The following ILDR2 variants were observed in gnomAD, a reference collection of about 807,000 sequenced individuals.
The protein encoded by ILDR2 is immunoglobulin like domain containing receptor 2.
In ILDR2, 25 loss-of-function variants were observed where a neutral mutation model predicts 66.8. That is an observed-to-expected ratio of 0.37 (90% CI 0.27 to 0.52). The LOEUF is 0.52. Among genes scored for constraint, ILDR2 ranks in the 20% least tolerant of loss-of-function variants. The pLI is 0.88. For synonymous variants in ILDR2, 367 were observed against 357.2 expected, an observed-to-expected ratio of 1.03 and a Z score of -0.31; for missense variants, 827 against 876.8, an observed-to-expected ratio of 0.94 and a Z score of 0.72.
At chr1:166,951,324 AAC>A (rs1485940677) in intron 3 of ILDR2, among the ~76,000 whole-genome samples, 1 of 152,204 alleles carries the variant, frequency 6.6e-6, no homozygotes, top group African/African-American at 2.4e-5. Context: ...AAATGATGCT[AAC>A]ACAGAGAGTG....
chr1:166,921,401 G>A lies in ILDR2; in HGVS notation c.1212-22C>T, dbSNP rs908984646. The stretch of plus-strand genomic sequence containing the variant: ...CTGGCTGCGGGCAGAGAAGGAGGGG[G>A]TCAGACGGCCGGTCCCTCCCTGGAG... On this transcript the variant is annotated intron_variant, in intron 8 of 9. Coordinates refer to ENST00000271417, the MANE Select transcript of ILDR2 (RefSeq NM_199351.3). This position sits in a 1 kb window ranked among gnomAD's most constrained non-coding sequence, Gnocchi z 5.3. 2 of 1,528,170 alleles carry A rather than the reference G, an allele frequency of 1.3e-6. No individual in the cohort carries two copies. Among genetic ancestry groups the A allele is most frequent in the Admixed American group, 1.8e-5 (1 of 54,162 alleles). The allele number at this position is 1,528,170 out of a possible 1,614,324, so 94.7% of individuals were successfully genotyped here.
At chr1:166,942,235 T>C (rs1661353276) in intron 3 of ILDR2, among the ~76,000 whole-genome samples, 1 of 152,238 alleles carries the variant, frequency 6.6e-6, no homozygotes, top group South Asian at 2.1e-4. Context: ...ATTAATTATG[T>C]GGTCACTCTA....
In ILDR2 at chr1:166,920,892, C is replaced by A. The variant is rs1195863215; in HGVS notation, c.1699G>T (p.Ala567Ser). Residue 567 changes from alanine to serine, a missense_variant, in exon 9 of 10, where the codon GCT (alanine) becomes TCT (serine). Physicochemically the swap from Ala to Ser is moderately conservative, Grantham distance 99. This residue lies in a region of ILDR2 where 390 missense variants were observed against 353.6 expected (regional missense o/e 1.10). Transcript: ENST00000271417. The part of the protein sequence containing the change: ...QLGPRSASYY[A>S]WSPPGTYKAG... Reference sequence around the variant, plus strand: ...TTGTAGGTGCCGGGCGGCGACCAAGCGTAGTAGGAGGCGCTGCGCGGGCCG... The same window carrying A: ...TTGTAGGTGCCGGGCGGCGACCAAGAGTAGTAGGAGGCGCTGCGCGGGCCG... 6.7e-7 allele frequency: 1 copy of A among 1,487,496 alleles called. No individual in the cohort carries two copies. Among genetic ancestry groups the A allele is most frequent in the Non-Finnish European group, 8.9e-7 (1 of 1,123,860 alleles). 92.1% of individuals were successfully genotyped at this position (1,487,496 alleles called of 1,614,324 possible).
intron 3 of ILDR2, among the ~76,000 whole-genome samples, chr1:166,948,054 G>C (rs1300684870): frequency 1.3e-5 from 2 of 152,066 alleles, no homozygotes; most frequent in African/African-American, 4.8e-5. Flanking sequence ...CTCTTTGCTG[G>C]GCCCCTCTGC....
In ILDR2 at chr1:166,921,502, C is replaced by G; in HGVS notation, c.1212-123G>C. The stretch of plus-strand genomic sequence containing the variant: ...GGAGACCTCGGCCTGAGCCTCAGCT[C>G]CGCTCCAGGCTGGATGAAGCATTCC... On this transcript the variant is annotated intron_variant, in intron 8 of 9. Transcript: ENST00000271417. This position sits in a 1 kb window ranked among gnomAD's most constrained non-coding sequence, Gnocchi z 5.3. The G allele has an allele frequency of 3.9e-6, 3 of 778,918 alleles. No homozygotes were observed. Among genetic ancestry groups the G allele is most frequent in the Admixed American group, 3.0e-5 (1 of 33,668 alleles). 48.3% of individuals were successfully genotyped at this position (778,918 alleles called of 1,614,324 possible). A position where few individuals can be genotyped will look rare whatever the true frequency, so the allele number is the denominator to read the frequency against.
Position 166,920,958 on chromosome 1 carries a change from C to A in ILDR2, c.1633G>T (p.Gly545Cys), listed in dbSNP as rs752853848. 2 of 1,482,856 alleles carry A rather than the reference C, an allele frequency of 1.3e-6. No homozygotes were observed. The highest frequency in any genetic ancestry group is 8.9e-7 in the Non-Finnish European group (1 of 1,127,120). The allele number at this position is 1,482,856 out of a possible 1,614,324, so 91.9% of individuals were successfully genotyped here. A position where few individuals can be genotyped will look rare whatever the true frequency, so the allele number is the denominator to read the frequency against. ...TTGGATGGCGTCTCCAGGCTGCCAC[C>A]GCGGCTGGCGCCCTCGGGCCGCGCC... Reference protein sequence around the residue: ...RQARPEGASRGGSLETPSKRS... With the variant: ...RQARPEGASRCGSLETPSKRS... Residue 545 changes from glycine (G) to cysteine (C), a missense_variant, in exon 9 of 10, where the codon GGT (glycine) becomes TGT (cysteine). Physicochemically the swap from Gly to Cys is radical, Grantham distance 159. Around this residue, in one of 2 missense-constraint regions of ILDR2, gnomAD observed 390 missense variants for 353.6 expected, o/e 1.10. Transcript: ENST00000271417.
rs1344100652 is a variant in ILDR2, at chr1:166,915,385, A to G, written c.*3970T>C. ...GTACCCAGAGGTATGACTTAGTGCAATGATTTCCAAATGCATCTGATCACA... is the reference window on the plus strand; with the variant it reads ...GTACCCAGAGGTATGACTTAGTGCAGTGATTTCCAAATGCATCTGATCACA... On this transcript the variant is annotated 3_prime_UTR_variant, in exon 10 of 10. Coordinates refer to ENST00000271417, the MANE Select transcript of ILDR2 (RefSeq NM_199351.3). 2 of 152,232 alleles carry G rather than the reference A, an allele frequency of 1.3e-5. No homozygotes were observed. The highest frequency in any genetic ancestry group is 2.9e-5 in the Non-Finnish European group (2 of 68,054). The allele number at this position is 152,232 out of a possible 1,614,324, so 9.4% of individuals were successfully genotyped here.
In ILDR2 at chr1:166,909,743, A is replaced by G. The variant is rs1659423754; in HGVS notation, c.*9612T>C. 9.2e-6 allele frequency: 1 copy of G among 108,670 alleles called. No homozygotes were observed. The highest frequency in any genetic ancestry group is 3.0e-4 in the South Asian group (1 of 3,382). The allele number at this position is 108,670 out of a possible 1,614,324, so 6.7% of individuals were successfully genotyped here. ...TGTGTGTGTGTATACATACATATATATATATATATATATATAAATATATAT... is the reference window on the plus strand; with the variant it reads ...TGTGTGTGTGTATACATACATATATGTATATATATATATATAAATATATAT... On this transcript the variant is annotated 3_prime_UTR_variant, in exon 10 of 10. Coordinates refer to ENST00000271417, the MANE Select transcript of ILDR2 (RefSeq NM_199351.3).
At chr1:166,932,954 G>A (rs1487953396) in intron 6 of ILDR2, among the ~76,000 whole-genome samples, 3 of 152,174 alleles carry the variant, frequency 2.0e-5, no homozygotes, top group Non-Finnish European at 4.4e-5. Flanking sequence ...TGCTAAAGGA[G>A]GACTAGCCAA....
chr1:166,934,334 G>A (rs1385421227), intron 6 of ILDR2, among the ~76,000 whole-genome samples: 2 of 152,028 alleles, frequency 1.3e-5, no homozygotes, highest in Non-Finnish European at 2.9e-5. Flanking sequence ...AGACAACTTG[G>A]GGTCATCCTG....
rs143548938 is a variant in ILDR2 at position 166,958,070 on chromosome 1, G to A, written c.78C>T (p.Pro26=). ...AMVEGLQVTV[P]DKKKVAMLFQ... ...AGAGCATGGCCACCTTCTTCTTGTC[G>A]GGCACTGTGACCTGAAGGCCTTCGA... The change falls in exon 2 of 10, where the codon CCC becomes CCT. Residue 26 remains proline (P), a synonymous_variant. Coordinates refer to ENST00000271417, the MANE Select transcript of ILDR2 (RefSeq NM_199351.3). 39 of 1,612,288 alleles carry A rather than the reference G, an allele frequency of 2.4e-5. No homozygotes were observed. Among genetic ancestry groups the A allele is most frequent in the East Asian group, 8.9e-5 (4 of 44,810 alleles).
At chr1:166,955,038 A>G (rs1403097747) in intron 3 of ILDR2, among the ~76,000 whole-genome samples, 4 of 152,126 alleles carry the variant, frequency 2.6e-5, no homozygotes, top group African/African-American at 9.7e-5. Context: ...TGTTCCTTCA[A>G]ACTTGGCTAT....
At chr1:166,897,995 G>A (rs187359314) in intron 2 of ILDR2, among the ~76,000 whole-genome samples, 1 of 152,302 alleles carries the variant, frequency 6.6e-6, no homozygotes, top group East Asian at 1.9e-4. Flanking sequence ...GCAGTCTTGT[G>A]ATGGAATGTG....
chr1:166,926,741 A>G (rs1660319811), intron 7 of ILDR2, among the ~76,000 whole-genome samples: 1 of 151,764 alleles, frequency 6.6e-6, no homozygotes, highest in African/African-American at 2.4e-5. Flanking sequence ...TTGGTTCTTT[A>G]TTCAAAGAAA....
chr1:166,943,185 G>C (rs983905309), intron 3 of ILDR2, among the ~76,000 whole-genome samples: 2 of 152,176 alleles, frequency 1.3e-5, no homozygotes, highest in Non-Finnish European at 2.9e-5. Context: ...GTCAACAGCA[G>C]AGACGGTGCA....
At chr1:166,929,296 T>C (rs1157000635) in intron 6 of ILDR2, among the ~76,000 whole-genome samples, 1 of 152,244 alleles carries the variant, frequency 6.6e-6, no homozygotes, top group Non-Finnish European at 1.5e-5. Context: ...AAATGCTGCC[T>C]CAGCCAAAGG....
intron 6 of ILDR2, among the ~76,000 whole-genome samples, chr1:166,929,290 G>C (rs1479257750): frequency 6.6e-6 from 1 of 152,206 alleles, no homozygotes; most frequent in Non-Finnish European, 1.5e-5. Flanking sequence ...CTGCTCAAAT[G>C]CTGCCTCAGC....
Position 166,956,725 on chromosome 1 carries a change from T to TA in ILDR2, c.499+7_499+8insT, listed in dbSNP as rs1662306591. On this transcript the variant is annotated splice_region_variant and intron_variant, in intron 3 of 9. Transcript: ENST00000271417. Reference sequence around the variant, plus strand: ...AAGATGAAAATGTCACCTGTTGTTTTCACTTACCCAACACCAGCAGTTCCA... The same window carrying TA: ...AAGATGAAAATGTCACCTGTTGTTTTACACTTACCCAACACCAGCAGTTCCA... 1 of 1,613,226 alleles carries TA rather than the reference T, an allele frequency of 6.2e-7. No homozygotes were observed. The highest frequency in any genetic ancestry group is 1.3e-5 in the African/African-American group (1 of 75,002).
In ILDR2 at chr1:166,921,688, G is replaced by A. The variant is rs72707813; in HGVS notation, c.1212-309C>T. Among the ~76,000 whole-genome samples the A allele has an allele frequency of 6.6e-6, 1 of 152,184 alleles. No individual in the cohort carries two copies. Among genetic ancestry groups the A allele is most frequent in the Non-Finnish European group, 1.5e-5 (1 of 68,034 alleles). On this transcript the variant is annotated intron_variant, in intron 8 of 9. Transcript: ENST00000271417. The surrounding 1 kb of genome is among the most constrained non-coding windows in gnomAD (Gnocchi z 5.3). ...CTTCTGGTCATTATGTTGTGACCTC[G>A]GGTTGACAGCCACACGTCTCCACCC...
Sources: gnomAD v4.1 joint callset for allele counts (sites outside exome capture counted in the v4.1 genomes callset) on GRCh38, gnomAD v4.1.1 for gene constraint, gnomAD v4.1.1 regional missense constraint, Gnocchi (gnomAD v3.1) non-coding constraint, MANE v1.5 for transcripts, NCBI Gene and HGNC (gene_info 2026-07-23, HGNC 2026-07-21) for gene names.